EPHA4: variants seen among roughly 807,000 people sequenced by gnomAD.
EPHA4 encodes ephrin type-A receptor 4.
In EPHA4, 19 loss-of-function variants were observed where a neutral mutation model predicts 108.3. The ratio of observed to expected loss-of-function variants is 0.18; its 90% CI spans 0.12 to 0.26. The LOEUF (loss-of-function observed/expected upper bound fraction) is 0.26, where lower values mean the gene tolerates loss of function less well. EPHA4 is among the 10% of genes least tolerant of loss of function. The probability of loss-of-function intolerance (pLI) is 1.00; values close to 1 mark genes in which losing one functional copy is unlikely to be tolerated. For missense variants in EPHA4, 917 were observed against 1,254.0 expected, an observed-to-expected ratio of 0.73 and a Z score of 4.06; for synonymous variants, 449 against 455.5, an observed-to-expected ratio of 0.99 and a Z score of 0.18.
At chr2:221,494,360 C>A (rs761250071) in intron 4 of EPHA4, among the ~76,000 whole-genome samples, 3 of 152,148 alleles carry the variant, frequency 2.0e-5, no homozygotes, top group Non-Finnish European at 2.9e-5. Flanking sequence ...TCCCAGCACT[C>A]TGGGAGGCCT....
intron 7 of EPHA4, among the ~76,000 whole-genome samples, chr2:221,455,902 CA>C (rs1690933357): frequency 6.6e-6 from 1 of 152,138 alleles, no homozygotes; most frequent in South Asian, 2.1e-4. Context: ...CAAAGGATGT[CA>C]ATCCCCTTCA....
rs918777785 is a variant in EPHA4, at chr2:221,564,083, C to T, written c.471G>A (p.Val157=). 45 of 1,614,004 alleles carry T rather than the reference C, an allele frequency of 2.8e-5. No homozygotes were observed. Among genetic ancestry groups the T allele is most frequent in the African/African-American group, 4.0e-5 (3 of 74,912 alleles). Residue 157 remains valine (V), a synonymous_variant, in exon 3 of 18, where the codon GTG becomes GTA. Coordinates refer to ENST00000281821, the MANE Select transcript of EPHA4 (RefSeq NM_004438.5). ...TIAADESFTQ[V]DIGDRIMKLN... is the part of the protein sequence containing the mutation. The stretch of plus-strand genomic sequence containing the variant: ...GCTTCATGATTCTGTCACCAATGTC[C>T]ACTTGGGTGAAGCTCTCATCAGCAG...
intron 4 of EPHA4, among the ~76,000 whole-genome samples, chr2:221,494,045 A>G (rs989297758): frequency 8.5e-5 from 13 of 152,194 alleles, no homozygotes; most frequent in Non-Finnish European, 1.9e-4. Flanking sequence ...TGGCAATCTA[A>G]AATAATAATC....
At chr2:221,482,752 A>C in intron 4 of EPHA4, 62 bp from the exon 5 acceptor site, 1 of 1,442,580 alleles carries the variant, frequency 6.9e-7, no homozygotes. Context: ...AATCTCTCAG[A>C]GTTTGTATTA....
intron 3 of EPHA4, among the ~76,000 whole-genome samples, chr2:221,513,222 T>G (rs1329889120): frequency 6.6e-6 from 1 of 152,184 alleles, no homozygotes; most frequent in East Asian, 1.9e-4. Flanking sequence ...GAGACATAAG[T>G]GATTCTGTCA....
At chr2:221,427,820 A>AT (rs898154868) in intron 15 of EPHA4, among the ~76,000 whole-genome samples, 3 of 152,182 alleles carry the variant, frequency 2.0e-5, no homozygotes, top group Admixed American at 2.0e-4. Context: ...ATCCAATTCG[A>AT]TTTTTAAAAT....
At chr2:221,500,287 GCA>G (rs1251643774) in intron 4 of EPHA4, among the ~76,000 whole-genome samples, 3 of 152,112 alleles carry the variant, frequency 2.0e-5, no homozygotes, top group African/African-American at 7.2e-5. Context: ...AGCCCTCCAA[GCA>G]CAGATTCACC....
At chr2:221,443,373 G>A (rs559080249) in intron 10 of EPHA4, 120 bp downstream of exon 10, 2 of 677,458 alleles carry the variant, frequency 3.0e-6, no homozygotes, top group Non-Finnish European at 4.8e-6. Flanking sequence ...CTCAAAAAAG[G>A]AAATTTCATG....
intron 4 of EPHA4, among the ~76,000 whole-genome samples, chr2:221,487,327 C>T (rs1008245596): frequency 8.5e-5 from 13 of 152,194 alleles, no homozygotes; most frequent in African/African-American, 2.4e-4. Flanking sequence ...GATGTCAGAG[C>T]AAGCACCTGC....
intron 8 of EPHA4, among the ~76,000 whole-genome samples, chr2:221,447,116 A>AATT (rs1358070297): frequency 6.6e-6 from 1 of 152,242 alleles, no homozygotes; most frequent in African/African-American, 2.4e-5. Flanking sequence ...ATATCACTTA[A>AATT]AGGAATCAGA....
At chr2:221,429,888 G>T in intron 15 of EPHA4, 70 bp downstream of exon 15, 1 of 1,551,212 alleles carries the variant, frequency 6.4e-7, no homozygotes, top group Non-Finnish European at 8.8e-7. Context: ...AGGAATTTAA[G>T]TGAGTCACCA....
chr2:221,431,194 T>A (rs1270126997), intron 14 of EPHA4, among the ~76,000 whole-genome samples: 1 of 152,220 alleles, frequency 6.6e-6, no homozygotes, highest in Admixed American at 6.5e-5. Flanking sequence ...TGGAGGTGCT[T>A]TTATTTGTTT....
intron 5 of EPHA4, among the ~76,000 whole-genome samples, chr2:221,480,240 G>A (rs1303268336): frequency 2.0e-5 from 3 of 152,040 alleles, no homozygotes; most frequent in African/African-American, 4.8e-5. Flanking sequence ...TGTCCTCAGC[G>A]CATCTCCCAC....
At chr2:221,427,714 A>G (rs1689953389) in intron 15 of EPHA4, among the ~76,000 whole-genome samples, 1 of 152,242 alleles carries the variant, frequency 6.6e-6, no homozygotes, top group Non-Finnish European at 1.5e-5. Context: ...AATCACAATT[A>G]TATCATTACT....
At chr2:221,441,292 G>A (rs762232689) in intron 11 of EPHA4, among the ~76,000 whole-genome samples, 27 of 149,206 alleles carry the variant, frequency 1.8e-4, no homozygotes, top group Non-Finnish European at 2.8e-4. Flanking sequence ...TGGTACTATC[G>A]TAGCTCACTA....
chr2:221,540,897 G>T (rs1693820309), intron 3 of EPHA4, among the ~76,000 whole-genome samples: 1 of 151,676 alleles, frequency 6.6e-6, no homozygotes, highest in Admixed American at 6.6e-5. Context: ...CTGATGTAGG[G>T]CCAATTCAGT....
At position 221,430,836 on chromosome 2, in the gene EPHA4, C is replaced by A. The variant is rs559095616; in HGVS notation, c.2497-685G>T. On this transcript the variant is annotated intron_variant, in intron 14 of 17. Coordinates refer to ENST00000281821, the MANE Select transcript of EPHA4 (RefSeq NM_004438.5). ...ATTAAAAAAATTCCTTCTTTTGGGG[C>A]ATTTACATTTTAAAGGAGACCCTCG... Among the ~76,000 whole-genome samples, 33 of 152,226 alleles carry A rather than the reference C, an allele frequency of 2.2e-4. 1 individual carries two copies. The South Asian group carries it at 6.0e-3, about 28-fold the overall frequency.
chr2:221,490,726 A>G (rs563866241), intron 4 of EPHA4, among the ~76,000 whole-genome samples: 1 of 152,344 alleles, frequency 6.6e-6, no homozygotes, highest in African/African-American at 2.4e-5. Flanking sequence ...CAGCTGAAAG[A>G]CAGGTTATAA....
chr2:221,542,571 T>C (rs1693868367), intron 3 of EPHA4, among the ~76,000 whole-genome samples: 1 of 152,218 alleles, frequency 6.6e-6, no homozygotes, highest in African/African-American at 2.4e-5. Context: ...AAAGGCATTC[T>C]GTAAAATTGT....
Sources: gnomAD v4.1 joint callset for allele counts (sites outside exome capture counted in the v4.1 genomes callset) on GRCh38, gnomAD v4.1.1 for gene constraint, MANE v1.5 for transcripts, NCBI Gene and HGNC (gene_info 2026-07-23, HGNC 2026-07-21) for gene names.